Variants in NRXN1 observed in about 807,000 individuals in gnomAD.
NRXN1 encodes neurexin 1.
NRXN1 carries 39 observed loss-of-function variants against 150.9 expected under a neutral mutation model. The ratio of observed to expected loss-of-function variants is 0.26; its 90% CI spans 0.20 to 0.34. The LOEUF is 0.34. NRXN1 is among the 10% of genes least tolerant of loss of function. NRXN1 has a pLI of 1.00. For synonymous variants in NRXN1, 924 were observed against 757.0 expected, an observed-to-expected ratio of 1.22 and a Z score of -3.62; for missense variants, 1,815 against 1,949.9, an observed-to-expected ratio of 0.93 and a Z score of 1.30.
chr2:50,047,184 A>T (rs72889581), intron 21 of NRXN1, among the ~76,000 whole-genome samples: 2,370 of 152,174 alleles, frequency 0.016, 54 homozygotes, highest in African/African-American at 0.054. Flanking sequence ...CAGAATATAG[A>T]TCACCTCAAT....
chr2:50,132,076 T>C (rs1189006273), intron 18 of NRXN1, among the ~76,000 whole-genome samples: 1 of 152,174 alleles, frequency 6.6e-6, no homozygotes, highest in African/African-American at 2.4e-5. Flanking sequence ...ATGTGCTGTT[T>C]ACAAAGGAAT....
intron 12 of NRXN1, among the ~76,000 whole-genome samples, chr2:50,511,244 G>A (rs927938454): frequency 6.6e-6 from 1 of 152,032 alleles, no homozygotes; most frequent in African/African-American, 2.4e-5. Context: ...TATTTTAATA[G>A]ACATGGAGTT....
intron 5 of NRXN1, among the ~76,000 whole-genome samples, chr2:50,772,013 C>T (rs910625982): frequency 6.6e-6 from 1 of 151,958 alleles, no homozygotes; most frequent in Non-Finnish European, 1.5e-5. Flanking sequence ...AAAACTTTAC[C>T]GTCTCCCAAA....
At chr2:50,685,239 T>C (rs1357534685) in intron 5 of NRXN1, among the ~76,000 whole-genome samples, 3 of 152,216 alleles carry the variant, frequency 2.0e-5, no homozygotes, top group Non-Finnish European at 4.4e-5. Flanking sequence ...TTTTGCTCTG[T>C]AATTGCCATC....
chr2:50,338,628 G>A (rs116170415), intron 17 of NRXN1, among the ~76,000 whole-genome samples: 1,622 of 150,870 alleles, frequency 0.011, 26 homozygotes, highest in African/African-American at 0.038. Context: ...ACAGAATCTT[G>A]AAAAATTTGA....
intron 17 of NRXN1, among the ~76,000 whole-genome samples, chr2:50,324,930 G>C (rs552094996): frequency 1.3e-5 from 2 of 152,312 alleles, no homozygotes; most frequent in African/African-American, 4.8e-5. Flanking sequence ...TGGTTGTGAG[G>C]AAGCTGTGCT....
chr2:50,772,108 A>T (rs894208284), intron 5 of NRXN1, among the ~76,000 whole-genome samples: 1 of 152,000 alleles, frequency 6.6e-6, no homozygotes, highest in Non-Finnish European at 1.5e-5. Context: ...GGGTTATGGG[A>T]TACAGATTTT....
intron 5 of NRXN1, among the ~76,000 whole-genome samples, chr2:50,907,415 T>A (rs1683872651): frequency 6.6e-6 from 1 of 152,112 alleles, no homozygotes; most frequent in South Asian, 2.1e-4. Context: ...TTTTCTCTTG[T>A]TAATCTGTCC....
At chr2:50,593,255 C>T (rs139295759) in intron 8 of NRXN1, among the ~76,000 whole-genome samples, 2 of 152,290 alleles carry the variant, frequency 1.3e-5, no homozygotes, top group African/African-American at 4.8e-5. Flanking sequence ...ATGTTTGGAG[C>T]ATATTTTCTT....
intron 13 of NRXN1, 72 bp from the exon 14 acceptor site, chr2:50,497,786 A>T (rs1307383954): frequency 1.4e-6 from 2 of 1,407,294 alleles, no homozygotes; most frequent in African/African-American, 2.9e-5. Flanking sequence ...TTTCATAACA[A>T]TATCACATTC....
chr2:50,214,175 C>T (rs74481729), intron 18 of NRXN1, among the ~76,000 whole-genome samples: 1 of 151,752 alleles, frequency 6.6e-6, no homozygotes, highest in Non-Finnish European at 1.5e-5. Context: ...GTAACAATAT[C>T]TTCTTTTATT....
rs372158563 is a variant in NRXN1, at chr2:50,347,912, C to T, written c.3365-110942G>A. 5.7e-6 allele frequency: 5 copies of T among 882,140 alleles called. No individual in the cohort carries two copies. The South Asian group carries it at 1.6e-4, about 27-fold the overall frequency. The allele number at this position is 882,140 out of a possible 1,614,324, so 54.6% of individuals were successfully genotyped here. A position where few individuals can be genotyped will look rare whatever the true frequency, so the allele number is the denominator to read the frequency against. On this transcript the variant is annotated intron_variant, in intron 17 of 22. Transcript: ENST00000401669. The surrounding 1 kb of genome is among the most constrained non-coding windows in gnomAD (Gnocchi z 4.9). ...TCCCACGAAAATCGCCCTGCTTTGCCTCTCCCTTGCATTCTCCACGCATCA... is the reference window on the plus strand; with the variant it reads ...TCCCACGAAAATCGCCCTGCTTTGCTTCTCCCTTGCATTCTCCACGCATCA...
intron 17 of NRXN1, among the ~76,000 whole-genome samples, chr2:50,285,992 T>C (rs905609877): frequency 6.6e-6 from 1 of 152,108 alleles, no homozygotes; most frequent in African/African-American, 2.4e-5. Context: ...ATCTCTCAGG[T>C]AGATTTTTAA....
intron 18 of NRXN1, among the ~76,000 whole-genome samples, chr2:50,202,069 G>A (rs562471296): frequency 1.3e-5 from 2 of 152,242 alleles, no homozygotes; most frequent in Admixed American, 1.3e-4. Flanking sequence ...ACAAGTTAAA[G>A]GGGGAAACAC....
At chr2:51,004,108 C>T (rs370258096) in intron 2 of NRXN1, among the ~76,000 whole-genome samples, 32 of 151,562 alleles carry the variant, frequency 2.1e-4, no homozygotes, top group African/African-American at 7.3e-4. Context: ...ACCATATATC[C>T]AGGTTTCCGG....
chr2:50,829,130 G>A (rs1281249161), intron 5 of NRXN1, among the ~76,000 whole-genome samples: 1 of 126,990 alleles, frequency 7.9e-6, no homozygotes, highest in African/African-American at 2.8e-5. Flanking sequence ...TCGGCAGGCT[G>A]AGGCAGGAGA....
chr2:49,978,673 G>GGA (rs148262349), intron 21 of NRXN1, among the ~76,000 whole-genome samples: 270 of 146,542 alleles, frequency 1.8e-3, no homozygotes, highest in Non-Finnish European at 3.3e-3. Context: ...GGAGGGCAGA[G>GGA]GAGAGAGAGA....
rs1455822240 is a variant in NRXN1, at chr2:50,922,654, AT to A, written c.820+3del. ...GCAGAGTGGAAAAGGAACAGAGCCC[AT>A]ACCTTGGTCGCCCATCATCAGGTGC... On this transcript the variant is annotated splice_donor_region_variant and intron_variant, in intron 4 of 22. Coordinates refer to ENST00000401669, the MANE Select transcript of NRXN1 (RefSeq NM_001330078.2). The A allele has an allele frequency of 6.2e-7, 1 of 1,610,100 alleles. No individual in the cohort carries two copies. The highest frequency in any genetic ancestry group is 8.5e-7 in the Non-Finnish European group (1 of 1,177,962).
chr2:49,999,897 C>T (rs1200400556), intron 21 of NRXN1, among the ~76,000 whole-genome samples: 1 of 152,132 alleles, frequency 6.6e-6, no homozygotes, highest in Non-Finnish European at 1.5e-5. Flanking sequence ...CCAAGAAGGG[C>T]TTAAACGTTT....
Sources: gnomAD v4.1 joint callset for allele counts (sites outside exome capture counted in the v4.1 genomes callset) on GRCh38, gnomAD v4.1.1 for gene constraint, Gnocchi (gnomAD v3.1) non-coding constraint, MANE v1.5 for transcripts, NCBI Gene and HGNC (gene_info 2026-07-23, HGNC 2026-07-21) for gene names.